Variants in GUCD1 observed in about 807,000 individuals in gnomAD.
GUCD1 encodes protein GUCD1.
Under a neutral mutation model 28.3 loss-of-function variants are expected in GUCD1, and 17 were observed. The observed-to-expected ratio is 0.60, with a 90% CI of 0.41 to 0.90. The LOEUF is 0.90. Among genes scored for constraint, GUCD1 ranks in the 40% least tolerant of loss-of-function variants. GUCD1 has a pLI of 0.00. For missense variants in GUCD1, 279 were observed against 305.5 expected (o/e 0.91, Z 0.65); for synonymous variants, 129 against 123.3 (o/e 1.05, Z -0.30).
intron 1 of GUCD1, among the ~76,000 whole-genome samples, chr22:24,552,808 GT>G (rs2044917401): frequency 6.7e-6 from 1 of 148,540 alleles, no homozygotes; most frequent in Admixed American, 6.7e-5. Context: ...AGAACTTTTT[GT>G]TTTCTTCTGA....
intron 1 of GUCD1, 131 bp from the exon 2 acceptor site, chr22:24,549,132 C>T: frequency 1.6e-6 from 1 of 614,218 alleles, no homozygotes; most frequent in Non-Finnish European, 2.9e-6. Context: ...CACAATCCTT[C>T]AGGAATCCCC....
intron 3 of GUCD1, chr22:24,547,370 G>C: frequency 4.3e-6 from 1 of 235,192 alleles, no homozygotes; most frequent in South Asian, 7.5e-5. Context: ...GGACAGCTCA[G>C]CTACAGCTTG....
At chr22:24,546,856 AG>A (rs2147081022) in intron 4 of GUCD1, 57 bp downstream of exon 4, 1 of 1,435,410 alleles carries the variant, frequency 7.0e-7, no homozygotes, top group East Asian at 2.3e-5. Flanking sequence ...TCCCCACTGC[AG>A]ATCTGTGGGT....
intron 1 of GUCD1, among the ~76,000 whole-genome samples, chr22:24,552,546 C>T (rs2044906012): frequency 6.6e-6 from 1 of 152,010 alleles, no homozygotes; most frequent in Non-Finnish European, 1.5e-5. Context: ...CCAAGGCAGG[C>T]GGATCACTTG....
chr22:24,550,987 C>T (rs1181610584), intron 1 of GUCD1, among the ~76,000 whole-genome samples: 2 of 152,224 alleles, frequency 1.3e-5, no homozygotes, highest in Non-Finnish European at 2.9e-5. Context: ...TGTCTTTCTA[C>T]TCCATGTGCA....
intron 2 of GUCD1, 61 bp from the exon 3 acceptor site, chr22:24,548,134 C>G: frequency 6.9e-7 from 1 of 1,452,408 alleles, no homozygotes; most frequent in Non-Finnish European, 9.5e-7. Flanking sequence ...TCTGAGTCAC[C>G]CTCCACCCAC....
At chr22:24,547,865 C>G (rs762643848) in intron 3 of GUCD1, 43 bp downstream of exon 3, 1 of 1,608,362 alleles carries the variant, frequency 6.2e-7, no homozygotes, top group Non-Finnish European at 8.5e-7. Flanking sequence ...CCTTATACCT[C>G]TGTGTGGCCC....
upstream of GUCD1, chr22:24,555,260 C>T: frequency 7.4e-7 from 1 of 1,355,506 alleles, no homozygotes; most frequent in Non-Finnish European, 9.4e-7. Flanking sequence ...TAAGTCTGCT[C>T]CGGCCATTCG....
intron 2 of GUCD1, 77 bp from the exon 3 acceptor site, chr22:24,548,150 C>T: frequency 1.6e-6 from 2 of 1,287,896 alleles, no homozygotes; most frequent in Non-Finnish European, 2.2e-6. Context: ...CCCACTGGCC[C>T]AAGAGCCCCG....
chr22:24,555,855 G>A (rs144974630), upstream of GUCD1: 33 of 1,533,874 alleles, frequency 2.2e-5, no homozygotes, highest in Non-Finnish European at 2.8e-5. Context: ...CGGAACTATC[G>A]TACTGGTGCC....
At chr22:24,546,854 G>A (rs978919817) in intron 4 of GUCD1, 60 bp downstream of exon 4, 10 of 1,440,598 alleles carry the variant, frequency 6.9e-6, no homozygotes, top group Non-Finnish European at 9.8e-6. Context: ...CCTCCCCACT[G>A]CAGATCTGTG....
intron 4 of GUCD1, among the ~76,000 whole-genome samples, chr22:24,545,596 C>T (rs1388028122): frequency 6.6e-6 from 1 of 150,686 alleles, no homozygotes; most frequent in East Asian, 1.9e-4. Flanking sequence ...ATGGAGATCC[C>T]ACCCCACTAT....
At position 24,553,400 on chromosome 22, in the gene GUCD1, T is replaced by G. The variant is rs191323149; in HGVS notation, c.43+1549A>C. On this transcript the variant is annotated intron_variant, in intron 1 of 5. Coordinates refer to ENST00000435822, the MANE Select transcript of GUCD1 (RefSeq NM_001284254.2). ...CAATATGGAGTCCTTAAAGAGGCAA[T>G]GAGAATTCTTCAGTGGCAGATGGGG... Among the ~76,000 whole-genome samples, 557 of 152,308 alleles carry G rather than the reference T, an allele frequency of 3.7e-3. 5 individuals are homozygous for G. Among genetic ancestry groups the G allele is most frequent in the Middle Eastern group, 6.8e-3 (2 of 294 alleles).
chr22:24,552,234 C>T (rs2044895585), intron 1 of GUCD1, among the ~76,000 whole-genome samples: 1 of 152,080 alleles, frequency 6.6e-6, no homozygotes, highest in Non-Finnish European at 1.5e-5. Flanking sequence ...ACTCACGAGG[C>T]CAAGGCAAGA....
rs2044591364 is a variant in GUCD1 at position 24,541,520 on chromosome 22, G to C, written c.*1486C>G. ...TGGCATGTGCCTGTAGTCCCAGCTA[G>C]TGGGGGGCTGAGGCAGGAGGATCGC... On this transcript the variant is annotated 3_prime_UTR_variant, in exon 6 of 6. Transcript: ENST00000435822. The C allele has an allele frequency of 6.6e-6, 1 of 152,130 alleles. No homozygotes were observed. The highest frequency in any genetic ancestry group is 6.6e-5 in the Admixed American group (1 of 15,264). The allele number at this position is 152,130 out of a possible 1,614,324, so 9.4% of individuals were successfully genotyped here.
intron 4 of GUCD1, among the ~76,000 whole-genome samples, chr22:24,546,421 C>T (rs1315654460): frequency 6.6e-6 from 1 of 152,186 alleles, no homozygotes; most frequent in Non-Finnish European, 1.5e-5. Flanking sequence ...AAGAATGTGA[C>T]CCACATCTGG....
In GUCD1 at chr22:24,548,937, G is replaced by A. The variant is rs1428314857; in HGVS notation, c.108C>T (p.Ala36=). The change falls in exon 2 of 6, where the codon GCC becomes GCT. Residue 36 remains alanine, a synonymous_variant. Coordinates refer to ENST00000435822, the MANE Select transcript of GUCD1 (RefSeq NM_001284254.2). ...CTCACCGCAGCACCATCCTGGAGCAGGCCAGGCCACAGTCCCAGTGGTAGA... is the reference window on the plus strand; with the variant it reads ...CTCACCGCAGCACCATCCTGGAGCAAGCCAGGCCACAGTCCCAGTGGTAGA... ...QQLYHWDCGL[A]CSRMVLRYLG... is the part of the protein sequence containing the mutation. 6.3e-7 allele frequency: 1 copy of A among 1,583,096 alleles called. No individual in the cohort carries two copies. The highest frequency in any genetic ancestry group is 8.6e-7 in the Non-Finnish European group (1 of 1,164,300).
upstream of GUCD1, chr22:24,555,303 C>G: frequency 7.2e-7 from 1 of 1,396,360 alleles, no homozygotes; most frequent in Non-Finnish European, 9.3e-7. Flanking sequence ...CACCCTCTCG[C>G]CCAATCCTCG....
chr22:24,554,518 G>A (rs1453157458), intron 1 of GUCD1, among the ~76,000 whole-genome samples: 1 of 152,242 alleles, frequency 6.6e-6, no homozygotes, highest in East Asian at 1.9e-4. Context: ...ACCAGTCCGG[G>A]TCTCCGCCCC....
Sources: allele counts gnomAD v4.1 joint callset (sites outside exome capture counted in the v4.1 genomes callset), GRCh38; gene constraint gnomAD v4.1.1; transcripts MANE v1.5; gene names NCBI Gene and HGNC (gene_info 2026-07-23, HGNC 2026-07-21).